The following KIAA0319 variants were observed in gnomAD, a reference collection of about 807,000 sequenced individuals.
KIAA0319 encodes KIAA0319, also known as dyslexia-associated protein KIAA0319.
KIAA0319 carries 83 observed loss-of-function variants against 108.4 expected under a neutral mutation model. The observed-to-expected ratio is 0.77, with a 90% CI of 0.64 to 0.92. The LOEUF is 0.92. KIAA0319 is among the 40% of genes least tolerant of loss of function. The pLI, the probability that KIAA0319 is intolerant of heterozygous loss-of-function variation, is 0.00. For missense variants in KIAA0319, 1,195 were observed against 1,322.4 expected (o/e 0.90, Z 1.49); for synonymous variants, 484 against 510.4 (o/e 0.95, Z 0.70).
rs761106691 is a variant in KIAA0319 at position 24,576,483 on chromosome 6, G to A, written c.1619C>T (p.Thr540Ile). The A allele has an allele frequency of 6.2e-7, 1 of 1,614,152 alleles. No homozygotes were observed. The highest frequency in any genetic ancestry group is 1.1e-5 in the South Asian group (1 of 91,084). Reference sequence around the variant, plus strand: ...CAAAGTGATGGAGTTTTGGGGCAAAGTTATGGTGTGATTTGGTCCTGCATT... The same window carrying A: ...CAAAGTGATGGAGTTTTGGGGCAAAATTATGGTGTGATTTGGTCCTGCATT... The part of the protein sequence containing the change: ...VANAGPNHTI[T>I]LPQNSITLNG... The change falls in exon 10 of 21, where the codon ACT becomes ATT. Residue 540 changes from threonine to isoleucine, a missense_variant. By Grantham distance (89) the Thr-to-Ile change is moderately conservative (BLOSUM62 -1). Transcript: ENST00000378214.
At chr6:24,628,087 T>C (rs1001608545) in intron 1 of KIAA0319, among the ~76,000 whole-genome samples, 1 of 152,206 alleles carries the variant, frequency 6.6e-6, no homozygotes, top group Non-Finnish European at 1.5e-5. Context: ...GGAAAGCATG[T>C]CCTAATAATT....
chr6:24,563,836 C>T (rs1231534725), intron 15 of KIAA0319, among the ~76,000 whole-genome samples: 1 of 152,140 alleles, frequency 6.6e-6, no homozygotes, highest in East Asian at 1.9e-4. Flanking sequence ...CTTCCAAGTG[C>T]CAATGGGCAC....
At chr6:24,570,151 T>C (rs1306516435) in intron 11 of KIAA0319, 116 bp from the exon 12 acceptor site, 3 of 952,880 alleles carry the variant, frequency 3.1e-6, no homozygotes, top group Non-Finnish European at 3.1e-6. Context: ...CACTAGAGTA[T>C]GCAGCATCCT....
intron 1 of KIAA0319, among the ~76,000 whole-genome samples, chr6:24,606,279 G>C (rs1771395444): frequency 6.6e-6 from 1 of 152,100 alleles, no homozygotes; most frequent in Admixed American, 6.6e-5. Context: ...GCCATATCCT[G>C]TTCCTCAATC....
intron 17 of KIAA0319, 99 bp from the exon 18 acceptor site, chr6:24,556,828 G>T: frequency 7.4e-7 from 1 of 1,349,088 alleles, no homozygotes; most frequent in Non-Finnish European, 9.9e-7. Flanking sequence ...CCAAATAAAA[G>T]CATCTTGTTG....
intron 1 of KIAA0319, among the ~76,000 whole-genome samples, chr6:24,614,260 C>T (rs1054608118): frequency 6.6e-6 from 1 of 152,152 alleles, no homozygotes; most frequent in Non-Finnish European, 1.5e-5. Flanking sequence ...ACTGTGTCTC[C>T]ATGCCCTTCT....
chr6:24,566,546 AT>A (rs1763921828), intron 14 of KIAA0319, 50 bp downstream of exon 14: 2 of 1,510,100 alleles, frequency 1.3e-6, no homozygotes, highest in Admixed American at 2.0e-5. Context: ...AAGCTGACTA[AT>A]GCAGATGTAA....
At chr6:24,603,712 GT>G (rs1469502660) in intron 1 of KIAA0319, among the ~76,000 whole-genome samples, 3 of 152,216 alleles carry the variant, frequency 2.0e-5, no homozygotes, top group Non-Finnish European at 2.9e-5. Flanking sequence ...TAAGAACTCT[GT>G]GGCAGCCTAA....
chr6:24,592,002 T>C (rs1768558911), intron 3 of KIAA0319, among the ~76,000 whole-genome samples: 1 of 152,248 alleles, frequency 6.6e-6, no homozygotes, highest in Admixed American at 6.5e-5. Context: ...CTTTACTCTT[T>C]TGATGTTGTC....
chr6:24,619,816 C>A (rs1773673907), intron 1 of KIAA0319, among the ~76,000 whole-genome samples: 1 of 152,166 alleles, frequency 6.6e-6, no homozygotes, highest in South Asian at 2.1e-4. Flanking sequence ...TAAAACAGTG[C>A]CTTCTGATCT....
chr6:24,620,388 C>A (rs182486517), intron 1 of KIAA0319, among the ~76,000 whole-genome samples: 39 of 152,326 alleles, frequency 2.6e-4, no homozygotes, highest in African/African-American at 9.1e-4. Flanking sequence ...GCAACCTCCA[C>A]CTCCTGGATT....
In KIAA0319 at chr6:24,552,952, T is replaced by C. The variant is rs535505014; in HGVS notation, c.2949-1427A>G. ...TCACACCTTTGGAGAGCAGTTACAA[T>C]GTTTCACATGAAAGAGTGGACCTGA... is the stretch of plus-strand genomic sequence containing the variant. On this transcript the variant is annotated intron_variant, in intron 19 of 20. Coordinates refer to ENST00000378214, the MANE Select transcript of KIAA0319 (RefSeq NM_014809.4). Among the ~76,000 whole-genome samples, 7 of 152,172 alleles carry C rather than the reference T, an allele frequency of 4.6e-5. No homozygotes were observed. The East Asian group carries it at 1.4e-3, about 29-fold the overall frequency.
intron 1 of KIAA0319, among the ~76,000 whole-genome samples, chr6:24,635,384 A>C (rs893229652): frequency 3.9e-5 from 6 of 152,090 alleles, no homozygotes; most frequent in African/African-American, 1.4e-4. Flanking sequence ...GATTACAGAC[A>C]TGAGCCACCA....
At chr6:24,564,555 T>C (rs1279402833) in intron 14 of KIAA0319, among the ~76,000 whole-genome samples, 1 of 152,206 alleles carries the variant, frequency 6.6e-6, no homozygotes, top group Non-Finnish European at 1.5e-5. Flanking sequence ...CCTCAGACAG[T>C]ATTTCCTGAA....
chr6:24,555,045 C>G (rs1214569103), intron 18 of KIAA0319, among the ~76,000 whole-genome samples: 1 of 152,204 alleles, frequency 6.6e-6, no homozygotes, highest in East Asian at 1.9e-4. Context: ...ATCTATATGG[C>G]TGTTTATGGC....
At chr6:24,621,616 TG>T (rs1277334648) in intron 1 of KIAA0319, among the ~76,000 whole-genome samples, 1 of 152,088 alleles carries the variant, frequency 6.6e-6, no homozygotes, top group African/African-American at 2.4e-5. Flanking sequence ...ATGGTCTTAC[TG>T]GGGGGAAAAA....
At chr6:24,627,394 A>G (rs1774856964) in intron 1 of KIAA0319, among the ~76,000 whole-genome samples, 1 of 152,190 alleles carries the variant, frequency 6.6e-6, no homozygotes, top group Non-Finnish European at 1.5e-5. Context: ...AGTCATAGCC[A>G]TGGAAAGAAT....
rs750236679 is a variant in KIAA0319 at position 24,569,944 on chromosome 6, G to A, written c.1950C>T (p.Ser650=). 112 of 1,613,950 alleles carry A rather than the reference G, an allele frequency of 6.9e-5. No individual in the cohort carries two copies. Among genetic ancestry groups the A allele is most frequent in the East Asian group, 4.9e-4 (22 of 44,898 alleles). ...GGTAGAAGACAATGCCGTGGTCATC[G>A]CTGCTGCTGCTCCCATCCAGGGTAG... is the stretch of plus-strand genomic sequence containing the variant. ...ESATLDGSSS[S]DDHGIVFYHW... Residue 650 remains serine, a synonymous_variant, in exon 12 of 21, where the codon AGC becomes AGT. Coordinates refer to ENST00000378214, the MANE Select transcript of KIAA0319 (RefSeq NM_014809.4).
At chr6:24,568,744 G>A in intron 13 of KIAA0319, 37 bp downstream of exon 13, 1 of 1,596,112 alleles carries the variant, frequency 6.3e-7, no homozygotes, top group Non-Finnish European at 8.6e-7. Context: ...CTCGAAAGCA[G>A]AGCAGGCCCA....
Sources: allele counts gnomAD v4.1 joint callset (sites outside exome capture counted in the v4.1 genomes callset), GRCh38; gene constraint gnomAD v4.1.1; transcripts MANE v1.5; gene names NCBI Gene and HGNC (gene_info 2026-07-23, HGNC 2026-07-21).